SDK1: variants seen among roughly 807,000 people sequenced by gnomAD.
SDK1 encodes sidekick cell adhesion molecule 1.
A neutral mutation model predicts 245.5 loss-of-function variants in SDK1; 157 were observed. That is an observed-to-expected ratio of 0.64 (90% CI 0.56 to 0.73). The LOEUF (loss-of-function observed/expected upper bound fraction) is 0.73, where lower values mean the gene tolerates loss of function less well. SDK1 is among the 30% of genes least tolerant of loss of function. The pLI is 0.00. For missense variants in SDK1, 3,583 were observed against 3,002.3 expected (o/e 1.19, Z -4.52); for synonymous variants, 1,647 against 1,278.5 (o/e 1.29, Z -6.15).
At chr7:4,201,305 C>T (rs1783866448) in intron 35 of SDK1, among the ~76,000 whole-genome samples, 1 of 152,154 alleles carries the variant, frequency 6.6e-6, no homozygotes, top group Non-Finnish European at 1.5e-5. Context: ...TCTCCAGGTC[C>T]CCCTGCTCAG....
At chr7:4,064,970 C>T (rs1421306932) in intron 19 of SDK1, among the ~76,000 whole-genome samples, 2 of 152,090 alleles carry the variant, frequency 1.3e-5, no homozygotes, top group Non-Finnish European at 2.9e-5. Context: ...TTCAGTTAAA[C>T]AGAAGGAGTA....
intron 1 of SDK1, among the ~76,000 whole-genome samples, chr7:3,315,925 G>T (rs1040316090): frequency 6.6e-6 from 1 of 151,990 alleles, no homozygotes; most frequent in South Asian, 2.1e-4. Context: ...TAAGTTACAG[G>T]CTCATTATAA....
intron 33 of SDK1, among the ~76,000 whole-genome samples, chr7:4,175,138 AGCTCCTAT>A (rs1488056380): frequency 2.0e-5 from 3 of 152,230 alleles, no homozygotes; most frequent in Admixed American, 6.5e-5. Flanking sequence ...GGACGGCAGC[AGCTCCTAT>A]GCTCCTATGC....
chr7:3,382,327 G>C (rs1449809368), intron 1 of SDK1, among the ~76,000 whole-genome samples: 1 of 152,110 alleles, frequency 6.6e-6, no homozygotes, highest in Non-Finnish European at 1.5e-5. Context: ...ACATGTTCTA[G>C]ATCACGTGGC....
chr7:3,401,868 CT>C (rs1264412073), intron 1 of SDK1, among the ~76,000 whole-genome samples: 1 of 152,098 alleles, frequency 6.6e-6, no homozygotes, highest in Non-Finnish European at 1.5e-5. Context: ...AATGTTATCA[CT>C]ATTTAACTAT....
intron 20 of SDK1, among the ~76,000 whole-genome samples, chr7:4,076,168 A>C (rs2128176904): frequency 6.6e-6 from 1 of 152,380 alleles, no homozygotes; most frequent in East Asian, 1.9e-4. Flanking sequence ...GTAATCTGTC[A>C]GTCATTTCTT....
At chr7:3,782,894 A>T (rs1433794990) in intron 4 of SDK1, among the ~76,000 whole-genome samples, 2 of 152,218 alleles carry the variant, frequency 1.3e-5, no homozygotes, top group African/African-American at 4.8e-5. Flanking sequence ...TTACCTTGGT[A>T]CCAAAGCCAA....
intron 40 of SDK1, among the ~76,000 whole-genome samples, chr7:4,232,596 G>T (rs1021732217): frequency 1.3e-5 from 2 of 151,888 alleles, no homozygotes; most frequent in African/African-American, 4.8e-5. Context: ...TTGAGTAGTA[G>T]TAGGGACCAC....
rs888149024 is a variant in SDK1, at chr7:4,058,458, G to C, written c.2911+6628G>C. ...TAACAAAATAATGGCTGAAACCCAA[G>C]TCTAGCAAGAGATTTAGACATCCAG... On this transcript the variant is annotated intron_variant, in intron 19 of 44. Coordinates refer to ENST00000404826, the MANE Select transcript of SDK1 (RefSeq NM_152744.4). Among the ~76,000 whole-genome samples the C allele has an allele frequency of 5.9e-5, 9 of 152,308 alleles. No homozygotes were observed. The South Asian group carries it at 6.2e-4, about 11-fold the overall frequency.
chr7:3,347,433 G>C (rs796921082), intron 1 of SDK1, among the ~76,000 whole-genome samples: 4 of 152,254 alleles, frequency 2.6e-5, no homozygotes, highest in African/African-American at 9.6e-5. Context: ...AGAAGTACCT[G>C]ATGAAGTTGG....
chr7:3,748,964 G>T (rs1373561718), intron 4 of SDK1, among the ~76,000 whole-genome samples: 1 of 152,046 alleles, frequency 6.6e-6, no homozygotes, highest in African/African-American at 2.4e-5. Flanking sequence ...GTAGGTTTCA[G>T]TATACTAGGA....
intron 2 of SDK1, among the ~76,000 whole-genome samples, chr7:3,622,126 A>G (rs1449936188): frequency 2.0e-5 from 3 of 152,166 alleles, no homozygotes; most frequent in African/African-American, 4.8e-5. Context: ...TATTTTCAAC[A>G]TACGCTAAGT....
At chr7:3,836,246 T>C (rs534858285) in intron 5 of SDK1, among the ~76,000 whole-genome samples, 1 of 152,334 alleles carries the variant, frequency 6.6e-6, no homozygotes, top group South Asian at 2.1e-4. Context: ...GAGCTATAAA[T>C]ATTAGTTCTG....
intron 4 of SDK1, among the ~76,000 whole-genome samples, chr7:3,799,704 CAAAAAAA>C (rs34448201): frequency 1.8e-5 from 2 of 109,078 alleles, no homozygotes; most frequent in East Asian, 5.4e-4. Context: ...GACTCCATCT[CAAAAAAA>C]AAAAAAAAAA....
At chr7:4,259,962 G>T (rs1190468857) in intron 44 of SDK1, among the ~76,000 whole-genome samples, 1 of 152,218 alleles carries the variant, frequency 6.6e-6, no homozygotes, top group East Asian at 1.9e-4. Flanking sequence ...TGCATCATAG[G>T]ATCCTCAGCC....
chr7:3,329,327 C>G (rs950782472), intron 1 of SDK1, among the ~76,000 whole-genome samples: 2 of 152,114 alleles, frequency 1.3e-5, no homozygotes, highest in Non-Finnish European at 2.9e-5. Flanking sequence ...TGGGAGGAAA[C>G]AAGCTCCTTT....
intron 1 of SDK1, among the ~76,000 whole-genome samples, chr7:3,490,106 T>A (rs1333949636): frequency 6.6e-6 from 1 of 152,190 alleles, no homozygotes; most frequent in Admixed American, 6.5e-5. Context: ...AGGTACCAAT[T>A]AAGTGAAAAG....
At chr7:4,167,877 G>C (rs1781590360) in intron 32 of SDK1, among the ~76,000 whole-genome samples, 2 of 152,230 alleles carry the variant, frequency 1.3e-5, no homozygotes, top group Non-Finnish European at 2.9e-5. Flanking sequence ...TGAGCAGTCA[G>C]CCCAAGCTTG....
chr7:3,850,246 T>G (rs1421667463), intron 5 of SDK1, among the ~76,000 whole-genome samples: 1 of 152,204 alleles, frequency 6.6e-6, no homozygotes, highest in East Asian at 1.9e-4. Context: ...CATCCAATCC[T>G]CATCTGTCAA....
Sources: gnomAD v4.1 joint callset for allele counts (sites outside exome capture counted in the v4.1 genomes callset) on GRCh38, gnomAD v4.1.1 for gene constraint, MANE v1.5 for transcripts, NCBI Gene and HGNC (gene_info 2026-07-23, HGNC 2026-07-21) for gene names.